CTNND2: variants seen among roughly 807,000 people sequenced by gnomAD.
CTNND2 encodes catenin delta 2.
CTNND2 carries 22 observed loss-of-function variants against 144.4 expected under a neutral mutation model. The observed-to-expected ratio is 0.15, with a 90% CI of 0.11 to 0.22. The LOEUF is 0.22. Among genes scored for constraint, CTNND2 ranks in the 10% least tolerant of loss-of-function variants. The probability of loss-of-function intolerance (pLI) is 1.00; values close to 1 mark genes in which losing one functional copy is unlikely to be tolerated. For missense variants in CTNND2, 1,353 were observed against 1,618.8 expected (o/e 0.84, Z 2.82); for synonymous variants, 751 against 695.6 (o/e 1.08, Z -1.25).
chr5:11,641,573 TGTGTATGTATATACATATAC>T (rs1357325859), intron 2 of CTNND2, among the ~76,000 whole-genome samples: 2 of 139,228 alleles, frequency 1.4e-5, no homozygotes, highest in Non-Finnish European at 3.1e-5. Flanking sequence ...TACATATACG[TGTGTATGTATATACATATAC>T]GTGTGTGTAT....
intron 9 of CTNND2, among the ~76,000 whole-genome samples, chr5:11,270,385 C>A (rs1400952582): frequency 1.3e-5 from 2 of 151,410 alleles, no homozygotes; most frequent in African/African-American, 4.9e-5. Flanking sequence ...TGGTGAAATA[C>A]CACACATAAC....
At chr5:11,396,696 A>G (rs1760173304) in intron 6 of CTNND2, among the ~76,000 whole-genome samples, 1 of 152,216 alleles carries the variant, frequency 6.6e-6, no homozygotes, top group African/African-American at 2.4e-5. Context: ...TCACAAATTC[A>G]GAATGTATAT....
At chr5:11,526,996 A>G (rs32436) in intron 3 of CTNND2, among the ~76,000 whole-genome samples, 9,719 of 152,256 alleles carry the variant, frequency 0.064, 508 homozygotes, top group East Asian at 0.26. Flanking sequence ...AAGGACAAAT[A>G]CTGTATGAAT....
At chr5:11,292,468 G>GC (rs35430247) in intron 9 of CTNND2, among the ~76,000 whole-genome samples, 44,762 of 151,816 alleles carry the variant, frequency 0.29, 6,740 homozygotes, top group Middle Eastern at 0.37. Context: ...TGTGTGGAGG[G>GC]CGGGATGTGG....
chr5:11,085,412 A>G (rs558998464), intron 15 of CTNND2, among the ~76,000 whole-genome samples: 2 of 152,200 alleles, frequency 1.3e-5, no homozygotes, highest in Non-Finnish European at 2.9e-5. Flanking sequence ...AATGAGACCA[A>G]TTTGTCCAGA....
chr5:11,810,289 A>G (rs1301048725), intron 1 of CTNND2, among the ~76,000 whole-genome samples: 3 of 152,172 alleles, frequency 2.0e-5, no homozygotes, highest in African/African-American at 7.2e-5. Flanking sequence ...AAAGTAATTA[A>G]CAATGCCTGT....
intron 3 of CTNND2, among the ~76,000 whole-genome samples, chr5:11,503,812 T>C (rs1237762946): frequency 6.6e-6 from 1 of 152,218 alleles, no homozygotes; most frequent in Non-Finnish European, 1.5e-5. Flanking sequence ...TGGTTACTTA[T>C]GGAACAAAAC....
intron 1 of CTNND2, among the ~76,000 whole-genome samples, chr5:11,799,120 TA>T (rs532205723): frequency 5.2e-4 from 79 of 152,276 alleles, no homozygotes; most frequent in African/African-American, 1.8e-3. Flanking sequence ...TAAAGATTTG[TA>T]AAAATCTTTA....
chr5:11,350,446 G>A (rs1317761660), intron 8 of CTNND2, among the ~76,000 whole-genome samples: 1 of 151,678 alleles, frequency 6.6e-6, no homozygotes, highest in Admixed American at 6.6e-5. Context: ...ATGAAAAGAG[G>A]CTGGGATATG....
At chr5:11,873,113 C>A (rs1331033935) in intron 1 of CTNND2, among the ~76,000 whole-genome samples, 2 of 152,062 alleles carry the variant, frequency 1.3e-5, no homozygotes, top group Non-Finnish European at 2.9e-5. Flanking sequence ...AAGGGCTATT[C>A]CTTCTAAAAT....
chr5:11,823,509 G>A (rs1014834116), intron 1 of CTNND2, among the ~76,000 whole-genome samples: 17 of 152,132 alleles, frequency 1.1e-4, no homozygotes, highest in African/African-American at 3.9e-4. Flanking sequence ...TATTTTCATT[G>A]CTGAATAATG....
chr5:11,815,574 A>C (rs567050361), intron 1 of CTNND2, among the ~76,000 whole-genome samples: 1 of 152,264 alleles, frequency 6.6e-6, no homozygotes, highest in African/African-American at 2.4e-5. Context: ...TTTCTATATA[A>C]TTCTATTAAG....
intron 1 of CTNND2, among the ~76,000 whole-genome samples, chr5:11,762,205 A>G (rs1789304361): frequency 1.3e-5 from 2 of 152,180 alleles, no homozygotes; most frequent in African/African-American, 4.8e-5. Context: ...AAAACTACAG[A>G]TGCACATGAG....
At chr5:11,248,768 T>C (rs10440694) in intron 9 of CTNND2, among the ~76,000 whole-genome samples, 1,913 of 152,330 alleles carry the variant, frequency 0.013, 41 homozygotes, top group Admixed American at 0.045. Context: ...GAACGTGTCC[T>C]GAAGTACCTG....
chr5:11,112,748 A>T (rs558036316), intron 13 of CTNND2, among the ~76,000 whole-genome samples: 118 of 152,338 alleles, frequency 7.7e-4, no homozygotes, highest in Non-Finnish European at 1.6e-3. Context: ...TTGGCTTCCA[A>T]TCCTGGGCCT....
In CTNND2 at chr5:11,460,495, T is replaced by C. The variant is rs1473590896; in HGVS notation, c.288-48426A>G. Reference sequence around the variant, plus strand: ...TGTTTAGATATGAGAACCAAAAATATGCACCTTCTACTGTTCTCTACTATG... The same window carrying C: ...TGTTTAGATATGAGAACCAAAAATACGCACCTTCTACTGTTCTCTACTATG... On this transcript the variant is annotated intron_variant, in intron 3 of 21. Coordinates refer to ENST00000304623, the MANE Select transcript of CTNND2 (RefSeq NM_001332.4). 2.0e-5 allele frequency among the ~76,000 whole-genome samples: 3 copies of C among 152,334 alleles called. No individual in the cohort carries two copies. In the East Asian group the frequency reaches 5.8e-4, roughly 29 times the overall value.
chr5:11,410,152 C>T (rs550983353), intron 5 of CTNND2, among the ~76,000 whole-genome samples: 2 of 152,156 alleles, frequency 1.3e-5, no homozygotes, highest in East Asian at 3.9e-4. Context: ...CTAGAGTTGT[C>T]CCTACAAGAG....
intron 6 of CTNND2, among the ~76,000 whole-genome samples, chr5:11,395,918 C>G (rs1201049363): frequency 6.6e-6 from 1 of 152,166 alleles, no homozygotes; most frequent in African/African-American, 2.4e-5. Flanking sequence ...TTTTTTGGGG[C>G]CATGTGGCCT....
At chr5:11,166,394 G>A (rs868565758) in intron 11 of CTNND2, among the ~76,000 whole-genome samples, 31 of 148,352 alleles carry the variant, frequency 2.1e-4, no homozygotes, top group South Asian at 6.3e-4. Flanking sequence ...GACTACAGGC[G>A]TGCACCACCA....
Sources: gnomAD v4.1 joint callset for allele counts (sites outside exome capture counted in the v4.1 genomes callset) on GRCh38, gnomAD v4.1.1 for gene constraint, MANE v1.5 for transcripts, NCBI Gene and HGNC (gene_info 2026-07-23, HGNC 2026-07-21) for gene names.